Variants in NLGN1 observed in about 807,000 individuals in gnomAD.
The protein encoded by NLGN1 is neuroligin 1.
Under a neutral mutation model 65.5 loss-of-function variants are expected in NLGN1, and 12 were observed. The ratio of observed to expected loss-of-function variants is 0.18; its 90% CI spans 0.12 to 0.30. The LOEUF is 0.30. Among genes scored for constraint, NLGN1 ranks in the 10% least tolerant of loss-of-function variants. NLGN1 has a pLI of 1.00. For missense variants in NLGN1, 750 were observed against 1,007.1 expected (o/e 0.74, Z 3.46); for synonymous variants, 350 against 359.5 (o/e 0.97, Z 0.30).
intron 4 of NLGN1, among the ~76,000 whole-genome samples, chr3:174,030,537 G>A (rs1017529678): frequency 3.9e-5 from 6 of 152,180 alleles, no homozygotes; most frequent in African/African-American, 1.4e-4. Context: ...GTCTGATTCT[G>A]AAGTATGCTT....
At chr3:174,098,541 T>C (rs1711629316) in intron 4 of NLGN1, among the ~76,000 whole-genome samples, 1 of 152,158 alleles carries the variant, frequency 6.6e-6, no homozygotes, top group Non-Finnish European at 1.5e-5. Context: ...TAAATAGACA[T>C]TGGATGTCTA....
intron 3 of NLGN1, among the ~76,000 whole-genome samples, chr3:173,702,914 T>C (rs1312846009): frequency 6.6e-6 from 1 of 152,224 alleles, no homozygotes; most frequent in Non-Finnish European, 1.5e-5. Context: ...ATGCCAATAG[T>C]ATTATCTTTT....
intron 4 of NLGN1, among the ~76,000 whole-genome samples, chr3:173,837,947 A>G (rs1332520005): frequency 2.0e-5 from 3 of 152,204 alleles, no homozygotes; most frequent in Non-Finnish European, 4.4e-5. Context: ...AAAAATTGGT[A>G]TATAAACTTG....
chr3:173,411,062 A>G (rs536249259), intron 1 of NLGN1, among the ~76,000 whole-genome samples: 2 of 152,370 alleles, frequency 1.3e-5, no homozygotes, highest in South Asian at 4.1e-4. Context: ...CTCAGTGTAC[A>G]GAGTGATAAT....
intron 2 of NLGN1, among the ~76,000 whole-genome samples, chr3:173,559,171 G>A (rs1321829563): frequency 6.6e-6 from 1 of 152,158 alleles, no homozygotes; most frequent in Non-Finnish European, 1.5e-5. Flanking sequence ...AAAATCAAAG[G>A]TGCTTGGAAT....
At chr3:173,910,062 A>C (rs1739280729) in intron 4 of NLGN1, among the ~76,000 whole-genome samples, 1 of 152,102 alleles carries the variant, frequency 6.6e-6, no homozygotes, top group Non-Finnish European at 1.5e-5. Flanking sequence ...TTAAACCCTA[A>C]ACTCTCCTCA....
chr3:174,058,936 C>T lies in NLGN1; in HGVS notation c.647-216379C>T, dbSNP rs187646720. Reference sequence around the variant, plus strand: ...GATCTTGAGAACTCAAAGCAAATGCCAGTTCTTTTACACTCAACCCTGCAG... The same window carrying T: ...GATCTTGAGAACTCAAAGCAAATGCTAGTTCTTTTACACTCAACCCTGCAG... On this transcript the variant is annotated intron_variant, in intron 4 of 6. Coordinates refer to ENST00000457714, the Ensembl canonical transcript of NLGN1. 1.6e-4 allele frequency among the ~76,000 whole-genome samples: 24 copies of T among 152,200 alleles called. No homozygotes were observed. The East Asian group carries it at 4.6e-3, about 29-fold the overall frequency.
intron 4 of NLGN1, among the ~76,000 whole-genome samples, chr3:173,944,124 GGTGTGT>G (rs1553897255): frequency 1.3e-4 from 18 of 139,592 alleles, no homozygotes; most frequent in East Asian, 1.0e-3. Flanking sequence ...TAATATTATG[GGTGTGT>G]GTGTGTGTGT....
chr3:174,259,916 T>C (rs866101692), intron 4 of NLGN1, among the ~76,000 whole-genome samples: 112 of 143,450 alleles, frequency 7.8e-4, no homozygotes, highest in African/African-American at 2.8e-3. Context: ...TTCCCACCTA[T>C]GAGTGAGAAT....
chr3:173,557,373 G>T (rs760738783), intron 2 of NLGN1, among the ~76,000 whole-genome samples: 1 of 151,832 alleles, frequency 6.6e-6, no homozygotes, highest in Non-Finnish European at 1.5e-5. Flanking sequence ...TATGCACAGC[G>T]TATGACTTAT....
chr3:173,756,352 A>G (rs1331837800), intron 3 of NLGN1, among the ~76,000 whole-genome samples: 2 of 151,996 alleles, frequency 1.3e-5, no homozygotes, highest in African/African-American at 4.8e-5. Context: ...AACTTTGAAG[A>G]GAAAAACAAG....
intron 3 of NLGN1, among the ~76,000 whole-genome samples, chr3:173,697,551 G>C (rs549938558): frequency 9.2e-5 from 14 of 151,456 alleles, no homozygotes; most frequent in African/African-American, 3.2e-4. Flanking sequence ...TTTTTAGACT[G>C]AGTTTCGCTC....
At chr3:173,933,046 A>C (rs1447751459) in intron 4 of NLGN1, among the ~76,000 whole-genome samples, 2 of 152,182 alleles carry the variant, frequency 1.3e-5, no homozygotes, top group African/African-American at 4.8e-5. Context: ...CTAAACAAGC[A>C]AACTCTGAGA....
At chr3:174,088,367 A>G (rs1463292575) in intron 4 of NLGN1, among the ~76,000 whole-genome samples, 1 of 152,194 alleles carries the variant, frequency 6.6e-6, no homozygotes, top group Non-Finnish European at 1.5e-5. Flanking sequence ...ACAAGTTCCC[A>G]TTTTACTGCC....
At chr3:173,448,400 G>A (rs372021856) in intron 2 of NLGN1, among the ~76,000 whole-genome samples, 2 of 152,060 alleles carry the variant, frequency 1.3e-5, no homozygotes, top group African/African-American at 4.8e-5. Flanking sequence ...CCTTGCATCC[G>A]AGGGATGAAG....
intron 2 of NLGN1, among the ~76,000 whole-genome samples, chr3:173,501,660 T>C (rs1731140231): frequency 6.7e-6 from 1 of 149,760 alleles, no homozygotes; most frequent in African/African-American, 2.4e-5. Flanking sequence ...TAATTATATA[T>C]ATTAGAATTA....
intron 4 of NLGN1, among the ~76,000 whole-genome samples, chr3:173,909,619 A>G (rs1033333120): frequency 2.0e-5 from 3 of 152,156 alleles, no homozygotes; most frequent in Non-Finnish European, 4.4e-5. Context: ...TGGACTTCTC[A>G]AGGGAAGCTT....
At chr3:173,785,273 T>C (rs1781775892) in intron 3 of NLGN1, among the ~76,000 whole-genome samples, 1 of 152,236 alleles carries the variant, frequency 6.6e-6, no homozygotes, top group Admixed American at 6.5e-5. Context: ...TTCTGTTTAT[T>C]TCATTATGTT....
In NLGN1 at chr3:174,263,656, T is replaced by C. The variant is rs1281800508; in HGVS notation, c.647-11659T>C. Reference sequence around the variant, plus strand: ...TTATCCAATTTGCCAGTCTGTGTCTTTTAATTGGAGCATTTAGCCCATTTA... The same window carrying C: ...TTATCCAATTTGCCAGTCTGTGTCTCTTAATTGGAGCATTTAGCCCATTTA... On this transcript the variant is annotated intron_variant, in intron 4 of 6. Coordinates refer to ENST00000457714, the Ensembl canonical transcript of NLGN1. 1.3e-5 allele frequency among the ~76,000 whole-genome samples: 2 copies of C among 152,026 alleles called. 1 individual carries two copies. Among genetic ancestry groups the C allele is most frequent in the Non-Finnish European group, 2.9e-5 (2 of 67,924 alleles).
Sources: allele counts gnomAD v4.1 joint callset (sites outside exome capture counted in the v4.1 genomes callset), GRCh38; gene constraint gnomAD v4.1.1; transcripts MANE v1.5; gene names NCBI Gene and HGNC (gene_info 2026-07-23, HGNC 2026-07-21).